Variants in ARID1A observed in about 807,000 individuals in gnomAD.
ARID1A encodes AT-rich interactive domain-containing protein 1A.
A neutral mutation model predicts 212.6 loss-of-function variants in ARID1A; 20 were observed. That is an observed-to-expected ratio of 0.09 (90% CI 0.07 to 0.14). The LOEUF is 0.14. Ranked by LOEUF, ARID1A falls within the 10% of genes least tolerant of loss-of-function variation. ARID1A has a pLI of 1.00. For missense variants in ARID1A, 2,587 were observed against 3,059.0 expected (o/e 0.85, Z 3.64); for synonymous variants, 1,376 against 1,222.1 (o/e 1.13, Z -2.63).
chr1:26,723,596 G>A (rs373020035), intron 1 of ARID1A, among the ~76,000 whole-genome samples: 2 of 152,108 alleles, frequency 1.3e-5, no homozygotes, highest in South Asian at 4.1e-4. Context: ...CAGAGATTAC[G>A]AGCACTAACC....
intron 1 of ARID1A, among the ~76,000 whole-genome samples, chr1:26,706,999 G>A (rs2124757450): frequency 6.6e-6 from 1 of 150,828 alleles, no homozygotes; most frequent in South Asian, 2.1e-4. Context: ...TAGTTTATCT[G>A]TTCTTGGGTC....
chr1:26,731,880 T>C (rs925761710), intron 3 of ARID1A, among the ~76,000 whole-genome samples: 11 of 152,116 alleles, frequency 7.2e-5, no homozygotes, highest in African/African-American at 1.9e-4. Flanking sequence ...ACTGGTTTTT[T>C]TATTTTATTT....
At chr1:26,749,727 C>T (rs892899848) in intron 4 of ARID1A, among the ~76,000 whole-genome samples, 4 of 152,214 alleles carry the variant, frequency 2.6e-5, no homozygotes, top group African/African-American at 4.8e-5. Flanking sequence ...CTGGCAGCCT[C>T]CTTTCCAGAC....
At chr1:26,764,115 A>G (rs1301493020) in intron 8 of ARID1A, 1 of 151,872 alleles carries the variant, frequency 6.6e-6, no homozygotes, top group African/African-American at 2.4e-5. Flanking sequence ...TGTTACAGGC[A>G]CCCGCCACCA....
At chr1:26,735,975 G>C (rs1026067809) in intron 4 of ARID1A, among the ~76,000 whole-genome samples, 4 of 151,944 alleles carry the variant, frequency 2.6e-5, no homozygotes, top group African/African-American at 9.7e-5. Flanking sequence ...GCTTCAAGAC[G>C]CACCTTAAAT....
At chr1:26,731,821 T>C (rs1429048176) in intron 3 of ARID1A, among the ~76,000 whole-genome samples, 1 of 152,194 alleles carries the variant, frequency 6.6e-6, no homozygotes, top group Non-Finnish European at 1.5e-5. Flanking sequence ...GATGAAGAAA[T>C]AGGGCAATGG....
intron 1 of ARID1A, among the ~76,000 whole-genome samples, chr1:26,700,735 C>G (rs561616561): frequency 6.6e-6 from 1 of 152,152 alleles, no homozygotes; most frequent in Non-Finnish European, 1.5e-5. Flanking sequence ...TACAGGAATC[C>G]TAGATTTATT....
rs182277025 is a variant in ARID1A at position 26,728,411 on chromosome 1, A to G, written c.1138-1240A>G. On this transcript the variant is annotated intron_variant, in intron 1 of 19. Transcript: ENST00000324856. ...AATTGTTTGGATCTCCCCTTCCTTT[A>G]TTTTGGAGGTTTTGTTGTTGTTTAA... Among the ~76,000 whole-genome samples, 45 of 152,276 alleles carry G rather than the reference A, an allele frequency of 3.0e-4. No homozygotes were observed. In the East Asian group the frequency reaches 7.7e-3, roughly 26 times the overall value.
intron 1 of ARID1A, among the ~76,000 whole-genome samples, chr1:26,722,507 C>T (rs1370816084): frequency 2.6e-5 from 4 of 152,186 alleles, no homozygotes; most frequent in African/African-American, 9.7e-5. Context: ...GGCCACCCAA[C>T]GTGTTGGGAT....
chr1:26,766,878 G>A (rs953469007), intron 10 of ARID1A, among the ~76,000 whole-genome samples: 2 of 152,116 alleles, frequency 1.3e-5, no homozygotes, highest in Admixed American at 6.5e-5. Flanking sequence ...CTGTGAAACC[G>A]TGCCTCCTAT....
chr1:26,760,247 C>T (rs1289038355), intron 4 of ARID1A, among the ~76,000 whole-genome samples: 1 of 152,212 alleles, frequency 6.6e-6, no homozygotes, highest in Admixed American at 6.5e-5. Context: ...CAGCAAAACT[C>T]AGTCACACCA....
In ARID1A at chr1:26,761,370, T is replaced by C. The variant is rs2124059014; in HGVS notation, c.2162-14T>C. 1 of 1,614,006 alleles carries C rather than the reference T, an allele frequency of 6.2e-7. No homozygotes were observed. The highest frequency in any genetic ancestry group is 8.5e-7 in the Non-Finnish European group (1 of 1,179,842). Reference sequence around the variant, plus strand: ...TAGCCATGATATGCTTATGTTGTTCTTTGTCTGGAGCAGGCAACCAGATGC... The same window carrying C: ...TAGCCATGATATGCTTATGTTGTTCCTTGTCTGGAGCAGGCAACCAGATGC... On this transcript the variant is annotated splice_polypyrimidine_tract_variant and intron_variant, in intron 5 of 19. Transcript: ENST00000324856.
intron 14 of ARID1A, 90 bp from the exon 15 acceptor site, chr1:26,773,256 C>A (rs2124109413): frequency 6.8e-7 from 1 of 1,477,496 alleles, no homozygotes; most frequent in Non-Finnish European, 9.1e-7. Flanking sequence ...TGAGATCAAA[C>A]CTGAACTCTG....
intron 1 of ARID1A, among the ~76,000 whole-genome samples, chr1:26,710,035 T>C (rs1451263725): frequency 6.8e-6 from 1 of 147,852 alleles, no homozygotes; most frequent in East Asian, 2.2e-4. Flanking sequence ...TTTCACCACG[T>C]TGGCCAGGCT....
chr1:26,727,673 T>G (rs1471107555), intron 1 of ARID1A: 2 of 152,232 alleles, frequency 1.3e-5, no homozygotes, highest in Admixed American at 6.5e-5. Context: ...GGTTAATAGC[T>G]ACTGCTCTAG....
At chr1:26,717,589 A>G (rs1470650060) in intron 1 of ARID1A, among the ~76,000 whole-genome samples, 1 of 152,230 alleles carries the variant, frequency 6.6e-6, no homozygotes, top group Non-Finnish European at 1.5e-5. Flanking sequence ...TCCAAGCTCT[A>G]CTGCCAGAAA....
At chr1:26,716,389 A>T (rs567356561) in intron 1 of ARID1A, among the ~76,000 whole-genome samples, 158 of 152,302 alleles carry the variant, frequency 1.0e-3, no homozygotes, top group Non-Finnish European at 2.0e-3. Context: ...TAAGCAGATA[A>T]GCACAAATAA....
chr1:26,723,592 T>G (rs1478150271), intron 1 of ARID1A, among the ~76,000 whole-genome samples: 2 of 152,128 alleles, frequency 1.3e-5, no homozygotes, highest in East Asian at 3.8e-4. Flanking sequence ...TGGCCAGAGA[T>G]TACGAGCACT....
chr1:26,779,980 C>T lies in ARID1A; in HGVS notation c.6082C>T (p.Pro2028Ser), dbSNP rs1212073675. The T allele has an allele frequency of 6.2e-7, 1 of 1,614,148 alleles. No individual in the cohort carries two copies. The highest frequency in any genetic ancestry group is 1.1e-5 in the South Asian group (1 of 91,078). Residue 2028 changes from proline to serine, a missense_variant, in exon 20 of 20, where the codon CCA becomes TCA. Pro to Ser is a moderately conservative substitution (Grantham distance 74). Coordinates refer to ENST00000324856, the MANE Select transcript of ARID1A (RefSeq NM_006015.6). ...HHKHPERKQA[P>S]LTYEKEEEQD... ...CAAGCACCCAGAACGGAAGCAGGCA[C>T]CACTAACTTATGAAAAGGAGGAGGA...
Sources: allele counts gnomAD v4.1 joint callset (sites outside exome capture counted in the v4.1 genomes callset), GRCh38; gene constraint gnomAD v4.1.1; transcripts MANE v1.5; gene names NCBI Gene and HGNC (gene_info 2026-07-23, HGNC 2026-07-21).